The following KCND3 variants were observed in gnomAD, a reference collection of about 807,000 sequenced individuals.
KCND3 encodes the protein A-type voltage-gated potassium channel KCND3.
In KCND3, 9 loss-of-function variants were observed where a neutral mutation model predicts 51.1. The observed-to-expected ratio is 0.18, with a 90% CI of 0.11 to 0.31. The LOEUF is 0.31. Among genes scored for constraint, KCND3 ranks in the 10% least tolerant of loss-of-function variants. The probability of loss-of-function intolerance (pLI) is 1.00; values close to 1 mark genes in which losing one functional copy is unlikely to be tolerated. For missense variants in KCND3, 526 were observed against 903.8 expected (o/e 0.58, Z 5.36); for synonymous variants, 349 against 368.0 (o/e 0.95, Z 0.59).
intron 2 of KCND3, among the ~76,000 whole-genome samples, chr1:111,960,917 A>G (rs2101930396): frequency 6.6e-6 from 1 of 150,894 alleles, no homozygotes; most frequent in Non-Finnish European, 1.5e-5. Flanking sequence ...TGACTGGGGA[A>G]CCCCATCCAA....
intron 2 of KCND3, among the ~76,000 whole-genome samples, chr1:111,827,768 G>A (rs1217319963): frequency 6.6e-6 from 1 of 152,154 alleles, no homozygotes; most frequent in Non-Finnish European, 1.5e-5. Flanking sequence ...GCCCTCCTGG[G>A]TGAGGAATGT....
At chr1:111,786,433 C>T (rs1413254184) in intron 3 of KCND3, among the ~76,000 whole-genome samples, 1 of 152,216 alleles carries the variant, frequency 6.6e-6, no homozygotes, top group Non-Finnish European at 1.5e-5. Flanking sequence ...GACTTCAGTG[C>T]CTTTGCCCTA....
At chr1:111,890,368 A>T (rs1406751196) in intron 2 of KCND3, among the ~76,000 whole-genome samples, 1 of 152,012 alleles carries the variant, frequency 6.6e-6, no homozygotes, top group African/African-American at 2.4e-5. Context: ...GTCAAAGCTG[A>T]CTCTAAGGCT....
At chr1:111,897,037 T>C (rs908551082) in intron 2 of KCND3, among the ~76,000 whole-genome samples, 12 of 152,224 alleles carry the variant, frequency 7.9e-5, no homozygotes, top group Non-Finnish European at 1.6e-4. Context: ...GTCTGTCTTG[T>C]CCGCTGTTGT....
chr1:111,984,750 T>G (rs1675171390), intron 1 of KCND3, among the ~76,000 whole-genome samples: 1 of 152,122 alleles, frequency 6.6e-6, no homozygotes, highest in African/African-American at 2.4e-5. Flanking sequence ...CCAAGACCTG[T>G]TCATGGACAG....
At chr1:111,795,669 CA>C (rs1423465845) in intron 2 of KCND3, among the ~76,000 whole-genome samples, 2 of 152,180 alleles carry the variant, frequency 1.3e-5, no homozygotes, top group Non-Finnish European at 2.9e-5. Context: ...CTCTTTGTGA[CA>C]GAACGATTTA....
chr1:111,887,366 G>C (rs897936209), intron 2 of KCND3, among the ~76,000 whole-genome samples: 11 of 152,172 alleles, frequency 7.2e-5, no homozygotes, highest in African/African-American at 2.7e-4. Flanking sequence ...AGAGACAGAA[G>C]GGGGAGAACC....
At chr1:111,835,607 A>G (rs1445007210) in intron 2 of KCND3, among the ~76,000 whole-genome samples, 4 of 152,238 alleles carry the variant, frequency 2.6e-5, no homozygotes, top group Non-Finnish European at 5.9e-5. Flanking sequence ...AATTATAATC[A>G]TTAGCATACT....
chr1:111,912,106 AC>A (rs1670977934), intron 2 of KCND3, among the ~76,000 whole-genome samples: 1 of 152,260 alleles, frequency 6.6e-6, no homozygotes, highest in Non-Finnish European at 1.5e-5. Context: ...TGGAGAAAGA[AC>A]CATCGCAAAG....
intron 2 of KCND3, among the ~76,000 whole-genome samples, chr1:111,847,271 T>A (rs1557974804): frequency 6.6e-6 from 1 of 152,156 alleles, no homozygotes; most frequent in Non-Finnish European, 1.5e-5. Context: ...CACCTCTGTA[T>A]CACCTTTCCT....
intron 2 of KCND3, among the ~76,000 whole-genome samples, chr1:111,875,683 T>A (rs998216726): frequency 6.6e-6 from 1 of 152,234 alleles, no homozygotes; most frequent in African/African-American, 2.4e-5. Flanking sequence ...TTGCCTCTCT[T>A]AGCTTCTCCT....
intron 2 of KCND3, among the ~76,000 whole-genome samples, chr1:111,891,959 CGTGTGTGTCTGT>C (rs1006924516): frequency 7.9e-5 from 11 of 139,090 alleles, no homozygotes; most frequent in African/African-American, 1.0e-4. Context: ...GTGTGGTGTG[CGTGTGTGTCTGT>C]GTGTGTGTCT....
intron 3 of KCND3, among the ~76,000 whole-genome samples, chr1:111,785,038 G>A (rs192103768): frequency 6.6e-6 from 1 of 152,228 alleles, no homozygotes; most frequent in African/African-American, 2.4e-5. Flanking sequence ...AACATAGTGA[G>A]ACCCCATCTC....
At position 111,982,406 on chromosome 1, in the gene KCND3, G is replaced by T. The variant is rs746952612; in HGVS notation, c.321C>A (p.Arg107=). 4.9e-5 allele frequency: 79 copies of T among 1,614,096 alleles called. No homozygotes were observed. The highest frequency in any genetic ancestry group is 6.5e-5 in the Non-Finnish European group (77 of 1,180,058). ...FYRTGKLHYP[R]YECISAYDDE... ...CGTCGTAGGCAGAGATGCACTCGTA[G>T]CGCGGGTAGTGCAGCTTCCCCGTGC... The change falls in exon 2 of 8, where the codon CGC becomes CGA. Residue 107 remains arginine (R), a synonymous_variant. Transcript: ENST00000302127. This position sits in a 1 kb window ranked among gnomAD's most constrained non-coding sequence, Gnocchi z 8.5.
At chr1:111,915,273 AATTAC>A (rs1671143294) in intron 2 of KCND3, among the ~76,000 whole-genome samples, 1 of 152,228 alleles carries the variant, frequency 6.6e-6, no homozygotes, top group African/African-American at 2.4e-5. Flanking sequence ...TCATATCAAT[AATTAC>A]ATTAAGTATA....
chr1:111,958,710 C>T (rs1673468132), intron 2 of KCND3, among the ~76,000 whole-genome samples: 1 of 152,196 alleles, frequency 6.6e-6, no homozygotes, highest in African/African-American at 2.4e-5. Context: ...GGCAGGCCCC[C>T]TCTGTCTGGC....
At chr1:111,988,982 C>A (rs1295440201) in intron 1 of KCND3, 2 of 152,258 alleles carry the variant, frequency 1.3e-5, no homozygotes, top group Non-Finnish European at 2.9e-5. Context: ...CCGCGACGGC[C>A]CTTGGCGTCA....
chr1:111,988,774 T>C (rs1675451089), intron 1 of KCND3: 1 of 152,064 alleles, frequency 6.6e-6, no homozygotes, highest in Non-Finnish European at 1.5e-5. Flanking sequence ...CGATTTCAGG[T>C]CTGGAACCTC....
chr1:111,859,539 T>C (rs1668241158), intron 2 of KCND3, among the ~76,000 whole-genome samples: 1 of 152,216 alleles, frequency 6.6e-6, no homozygotes, highest in African/African-American at 2.4e-5. Flanking sequence ...TGGTTGGACA[T>C]GTTTGCCTTC....
Sources: gnomAD v4.1 joint callset for allele counts (sites outside exome capture counted in the v4.1 genomes callset) on GRCh38, gnomAD v4.1.1 for gene constraint, Gnocchi (gnomAD v3.1) non-coding constraint, MANE v1.5 for transcripts, NCBI Gene and HGNC (gene_info 2026-07-23, HGNC 2026-07-21) for gene names.